NSUN2: variants seen among roughly 807,000 people sequenced by gnomAD.
The protein encoded by NSUN2 is NOP2/Sun RNA methyltransferase 2.
NSUN2 carries 63 observed loss-of-function variants against 92.7 expected under a neutral mutation model. That is an observed-to-expected ratio of 0.68 (90% CI 0.56 to 0.84). The LOEUF (loss-of-function observed/expected upper bound fraction) is 0.84. Ranked by LOEUF, NSUN2 falls within the 40% of genes least tolerant of loss-of-function variation. The pLI is 0.00. For synonymous variants in NSUN2, 356 were observed against 348.3 expected (o/e 1.02, Z -0.25); for missense variants, 989 against 964.9 (o/e 1.02, Z -0.33).
intron 7 of NSUN2, among the ~76,000 whole-genome samples, chr5:6,618,935 A>T (rs1048334490): frequency 2.0e-5 from 3 of 152,176 alleles, no homozygotes. Context: ...GAATTATCCC[A>T]TGAGATGTAA....
chr5:6,632,220 T>C (rs1737943398), intron 2 of NSUN2, among the ~76,000 whole-genome samples: 1 of 151,842 alleles, frequency 6.6e-6, no homozygotes, highest in African/African-American at 2.4e-5. Flanking sequence ...TAAGTTTTAC[T>C]TGCGACTCAT....
At chr5:6,631,378 G>A (rs1000782730) in intron 3 of NSUN2, among the ~76,000 whole-genome samples, 4 of 152,200 alleles carry the variant, frequency 2.6e-5, no homozygotes, top group Admixed American at 1.3e-4. Context: ...GTAGTAGCAC[G>A]CTTGGGTGCT....
At chr5:6,604,952 C>T in intron 15 of NSUN2, 1 of 597,222 alleles carries the variant, frequency 1.7e-6, no homozygotes, top group Non-Finnish European at 3.0e-6. Flanking sequence ...AGGGTCGGGG[C>T]AGCAGTACTC....
chr5:6,625,723 T>C, intron 3 of NSUN2, 54 bp from the exon 4 acceptor site: 1 of 1,290,236 alleles, frequency 7.8e-7, no homozygotes, highest in South Asian at 1.2e-5. Flanking sequence ...AAGTCGTCTG[T>C]TGACAACTTT....
chr5:6,605,456 G>A, intron 14 of NSUN2, 48 bp from the exon 15 acceptor site: 1 of 1,593,450 alleles, frequency 6.3e-7, no homozygotes, highest in Non-Finnish European at 8.6e-7. Context: ...TCAAAATCTG[G>A]TAGACTGTTT....
At chr5:6,623,519 G>T (rs1737543512) in intron 4 of NSUN2, among the ~76,000 whole-genome samples, 1 of 152,118 alleles carries the variant, frequency 6.6e-6, no homozygotes, top group Non-Finnish European at 1.5e-5. Flanking sequence ...CAACTTCCAT[G>T]AAAGAAAAGG....
In NSUN2 at chr5:6,607,232, C is replaced by T. The variant is rs762247803; in HGVS notation, c.1476G>A (p.Glu492=). ...CGCCATCTTTCTTACTGCCATTATT[C>T]TCTAAATCCTCAGTTGCATGAGCTA... The part of the protein sequence containing the change: ...TEIAHATEDL[E]NNGSKKDGVC... Residue 492 remains glutamate, a synonymous_variant, in exon 13 of 19, where the codon GAG becomes GAA. Transcript: ENST00000264670. 2 of 1,614,226 alleles carry T rather than the reference C, an allele frequency of 1.2e-6. No individual in the cohort carries two copies. Among genetic ancestry groups the T allele is most frequent in the Admixed American group, 3.3e-5 (2 of 60,018 alleles).
intron 2 of NSUN2, 44 bp from the exon 3 acceptor site, chr5:6,632,021 G>A (rs1445181116): frequency 7.0e-7 from 1 of 1,419,024 alleles, no homozygotes; most frequent in Admixed American, 1.9e-5. Flanking sequence ...AAAAAACTAA[G>A]TTAATACATT....
chr5:6,608,318 AC>A, intron 12 of NSUN2, among the ~76,000 whole-genome samples: 1 of 152,244 alleles, frequency 6.6e-6, no homozygotes, highest in Middle Eastern at 3.4e-3. Flanking sequence ...TCTCTGTTCT[AC>A]CTCAACAACC....
At chr5:6,627,221 T>A (rs187235502) in intron 3 of NSUN2, among the ~76,000 whole-genome samples, 59 of 152,376 alleles carry the variant, frequency 3.9e-4, no homozygotes, top group African/African-American at 1.4e-3. Flanking sequence ...TTAAATAATC[T>A]TTTGGACTCA....
At chr5:6,607,029 T>C (rs1736805158) in intron 13 of NSUN2, 117 bp from the exon 14 acceptor site, 2 of 957,120 alleles carry the variant, frequency 2.1e-6, no homozygotes, top group Non-Finnish European at 3.3e-6. Flanking sequence ...TTGCGGCAGA[T>C]GTTGAAACCT....
intron 3 of NSUN2, among the ~76,000 whole-genome samples, chr5:6,630,757 A>G (rs1373477200): frequency 2.6e-5 from 4 of 152,250 alleles, no homozygotes; most frequent in Non-Finnish European, 5.9e-5. Context: ...AAGGAAAGAT[A>G]ACACTACGTA....
chr5:6,607,033 G>T, intron 13 of NSUN2, 121 bp from the exon 14 acceptor site: 1 of 968,972 alleles, frequency 1.0e-6, no homozygotes. Context: ...GGCAGATGTT[G>T]AAACCTTCCG....
chr5:6,606,947 G>A, intron 13 of NSUN2, 35 bp from the exon 14 acceptor site: 1 of 1,234,860 alleles, frequency 8.1e-7, no homozygotes, highest in Non-Finnish European at 1.2e-6. Context: ...AAATCAATCT[G>A]TAATGTGTGG....
Position 6,611,027 on chromosome 5 carries a change from T to C in NSUN2, c.1154A>G (p.His385Arg). Residue 385 changes from histidine to arginine, a missense_variant, in exon 11 of 19, where the codon CAC (histidine) becomes CGC (arginine). His to Arg is a conservative substitution (Grantham distance 29). Around this residue, in one of 3 missense-constraint regions of NSUN2, gnomAD observed 626 missense variants for 602.3 expected, o/e 1.04. Coordinates refer to ENST00000264670, the MANE Select transcript of NSUN2 (RefSeq NM_017755.6). ...GAACATGGTAGGTCGGATCTGGGTG[T>C]GTCTGCTGTGAGGAACAGCGTCCCA... ...TDWDAVPHSR[H>R]TQIRPTMFPP... 1 of 1,614,158 alleles carries C rather than the reference T, an allele frequency of 6.2e-7. No individual in the cohort carries two copies. Among genetic ancestry groups the C allele is most frequent in the Non-Finnish European group, 8.5e-7 (1 of 1,180,030 alleles).
At chr5:6,620,464 C>T (rs895402466) in intron 6 of NSUN2, 166 bp from the exon 7 acceptor site, 8 of 466,970 alleles carry the variant, frequency 1.7e-5, no homozygotes, top group Admixed American at 1.7e-4. Context: ...AAAAAAGGAA[C>T]CAGGTGGCTC....
In NSUN2 at chr5:6,632,696, G is replaced by C. The variant is rs1085307574; in HGVS notation, c.157C>G (p.Gln53Glu). 1.2e-6 allele frequency: 2 copies of C among 1,614,144 alleles called. No homozygotes were observed. The highest frequency in any genetic ancestry group is 1.7e-6 in the Non-Finnish European group (2 of 1,180,030). Residue 53 changes from glutamine to glutamate, a missense_variant, in exon 2 of 19, where the codon CAG becomes GAG. By Grantham distance (29) the Gln-to-Glu change is conservative. Transcript: ENST00000264670. Reference protein sequence around the residue: ...KENKLFEHYYQELKIVPEGEW... With the variant: ...KENKLFEHYYEELKIVPEGEW... The stretch of plus-strand genomic sequence containing the variant: ...CCCTCGGGCACGATCTTGAGCTCCT[G>C]GTAGTAGTGCTCGAACAGCTTGTTC...
Position 6,607,394 on chromosome 5 carries a change from A to G in NSUN2, c.1324-10T>C. 1 of 1,599,944 alleles carries G rather than the reference A, an allele frequency of 6.3e-7. No homozygotes were observed. Among genetic ancestry groups the G allele is most frequent in the Non-Finnish European group, 8.5e-7 (1 of 1,170,804 alleles). On this transcript the variant is annotated splice_polypyrimidine_tract_variant and intron_variant, in intron 12 of 18. Coordinates refer to ENST00000264670, the MANE Select transcript of NSUN2 (RefSeq NM_017755.6). Reference sequence around the variant, plus strand: ...CAGATTTACCCTGAAGCTGTCATAAAGAACAATTTCATTGACACACAAAGA... The same window carrying G: ...CAGATTTACCCTGAAGCTGTCATAAGGAACAATTTCATTGACACACAAAGA...
intron 3 of NSUN2, among the ~76,000 whole-genome samples, chr5:6,626,238 A>G (rs1482438421): frequency 1.3e-5 from 2 of 152,344 alleles, no homozygotes; most frequent in East Asian, 1.9e-4. Flanking sequence ...GCTGTTACCT[A>G]TATATAACTA....
Sources: gnomAD v4.1 joint callset for allele counts (sites outside exome capture counted in the v4.1 genomes callset) on GRCh38, gnomAD v4.1.1 for gene constraint, gnomAD v4.1.1 regional missense constraint, MANE v1.5 for transcripts, NCBI Gene and HGNC (gene_info 2026-07-23, HGNC 2026-07-21) for gene names.